SGMS1: variants seen among roughly 807,000 people sequenced by gnomAD.
The protein encoded by SGMS1 is phosphatidylcholine:ceramide cholinephosphotransferase 1.
Under a neutral mutation model 46.2 loss-of-function variants are expected in SGMS1, and 13 were observed. The ratio of observed to expected loss-of-function variants is 0.28; its 90% CI spans 0.18 to 0.45. The LOEUF (loss-of-function observed/expected upper bound fraction) is 0.45, where lower values mean the gene tolerates loss of function less well. SGMS1 is among the 20% of genes least tolerant of loss of function. The probability of loss-of-function intolerance (pLI) is 1.00; values close to 1 mark genes in which losing one functional copy is unlikely to be tolerated. For missense variants in SGMS1, 324 were observed against 519.9 expected (o/e 0.62, Z 3.66); for synonymous variants, 203 against 187.8 (o/e 1.08, Z -0.66).
chr10:50,369,402 G>T (rs1270700045), intron 6 of SGMS1, among the ~76,000 whole-genome samples: 1 of 152,186 alleles, frequency 6.6e-6, no homozygotes, highest in Non-Finnish European at 1.5e-5. Flanking sequence ...GTAGGCTGAG[G>T]CAGGAGGATC....
intron 3 of SGMS1, among the ~76,000 whole-genome samples, chr10:50,483,998 G>A (rs1837498887): frequency 1.3e-5 from 2 of 152,026 alleles, no homozygotes; most frequent in South Asian, 2.1e-4. Context: ...AGAAGAAAGA[G>A]CAAACAAACC....
chr10:50,311,120 T>C, intron 9 of SGMS1, 142 bp downstream of exon 9: 1 of 934,534 alleles, frequency 1.1e-6, no homozygotes, highest in Non-Finnish European at 1.6e-6. Context: ...GCCAGTTGCA[T>C]GGCGATGAGA....
chr10:50,314,424 A>G (rs990242121), intron 8 of SGMS1, among the ~76,000 whole-genome samples: 6 of 152,136 alleles, frequency 3.9e-5, no homozygotes, highest in Non-Finnish European at 7.3e-5. Context: ...CAGCTGAACC[A>G]TTCTAAGCCT....
At chr10:50,396,331 C>A (rs1848847596) in intron 6 of SGMS1, among the ~76,000 whole-genome samples, 2 of 152,206 alleles carry the variant, frequency 1.3e-5, no homozygotes, top group South Asian at 2.1e-4. Context: ...TTGAGCAAAG[C>A]AAGGCAAAAG....
intron 6 of SGMS1, among the ~76,000 whole-genome samples, chr10:50,383,538 G>A (rs1448710296): frequency 6.6e-6 from 1 of 152,072 alleles, no homozygotes; most frequent in African/African-American, 2.4e-5. Context: ...AGCAGAAAAA[G>A]AGATAAACAT....
At chr10:50,318,112 A>T (rs1847377441) in intron 8 of SGMS1, among the ~76,000 whole-genome samples, 1 of 152,092 alleles carries the variant, frequency 6.6e-6, no homozygotes, top group Non-Finnish European at 1.5e-5. Flanking sequence ...GGCCTATAAA[A>T]ATCATTTCTG....
intron 6 of SGMS1, among the ~76,000 whole-genome samples, chr10:50,420,156 C>G (rs555832346): frequency 6.9e-4 from 105 of 152,314 alleles, no homozygotes; most frequent in Non-Finnish European, 1.2e-3. Context: ...GGGCCTGTCT[C>G]CTAGATGATG....
intron 1 of SGMS1, among the ~76,000 whole-genome samples, chr10:50,619,241 G>A (rs1306560008): frequency 6.6e-6 from 1 of 152,138 alleles, no homozygotes; most frequent in Non-Finnish European, 1.5e-5. Flanking sequence ...AGTAAAAGTA[G>A]GAGACACATA....
intron 6 of SGMS1, among the ~76,000 whole-genome samples, chr10:50,401,138 C>T (rs1848934812): frequency 6.6e-6 from 1 of 152,226 alleles, no homozygotes; most frequent in Non-Finnish European, 1.5e-5. Context: ...TTAATTGTCA[C>T]ATTCTAATAA....
chr10:50,474,469 G>A (rs564194856), intron 3 of SGMS1, among the ~76,000 whole-genome samples: 2 of 152,192 alleles, frequency 1.3e-5, no homozygotes, highest in South Asian at 2.1e-4. Flanking sequence ...TGAGACAAAG[G>A]AAGCCTCTCT....
chr10:50,355,729 C>T (rs555832814), intron 6 of SGMS1, among the ~76,000 whole-genome samples: 53 of 152,082 alleles, frequency 3.5e-4, no homozygotes, highest in African/African-American at 1.3e-3. Context: ...TCTGCCTGGC[C>T]GCCCATCGTC....
intron 6 of SGMS1, among the ~76,000 whole-genome samples, chr10:50,369,469 T>C (rs1285726983): frequency 5.3e-5 from 8 of 152,070 alleles, no homozygotes; most frequent in East Asian, 1.9e-4. Context: ...CTGCACTCTA[T>C]TCTGGGTGAC....
At chr10:50,622,989 G>T (rs1014500437) in intron 1 of SGMS1, among the ~76,000 whole-genome samples, 6 of 152,216 alleles carry the variant, frequency 3.9e-5, no homozygotes, top group Non-Finnish European at 8.8e-5. Flanking sequence ...TCCAGTTCTG[G>T]GCTGCGCCGA....
At chr10:50,361,038 C>T (rs972382265) in intron 6 of SGMS1, among the ~76,000 whole-genome samples, 1 of 152,140 alleles carries the variant, frequency 6.6e-6, no homozygotes, top group Non-Finnish European at 1.5e-5. Context: ...TATCTACTCA[C>T]CTATAAAGTA....
At chr10:50,426,600 G>A (rs1849329877) in intron 6 of SGMS1, among the ~76,000 whole-genome samples, 1 of 152,154 alleles carries the variant, frequency 6.6e-6, no homozygotes, top group African/African-American at 2.4e-5. Flanking sequence ...AAAGCCCCTG[G>A]TCCAAGATGT....
chr10:50,592,877 A>G (rs956644871), intron 1 of SGMS1, among the ~76,000 whole-genome samples: 9 of 125,016 alleles, frequency 7.2e-5, no homozygotes, highest in Non-Finnish European at 1.4e-4. Context: ...AATATACTAT[A>G]TTTAAAAGTG....
At chr10:50,496,405 A>G (rs1277331367) in intron 3 of SGMS1, among the ~76,000 whole-genome samples, 1 of 152,158 alleles carries the variant, frequency 6.6e-6, no homozygotes, top group Non-Finnish European at 1.5e-5. Flanking sequence ...GTGAACATCA[A>G]CATACAGCTT....
chr10:50,547,042 C>T (rs949394373), intron 2 of SGMS1, among the ~76,000 whole-genome samples: 2 of 152,268 alleles, frequency 1.3e-5, no homozygotes, highest in South Asian at 2.1e-4. Context: ...CTAACAGAGA[C>T]TCCTGGTTTA....
chr10:50,500,897 T>A (rs1281598366), intron 3 of SGMS1, among the ~76,000 whole-genome samples: 1 of 152,226 alleles, frequency 6.6e-6, no homozygotes, highest in Non-Finnish European at 1.5e-5. Context: ...TTAAAATTAC[T>A]CTTTAATTTC....
Sources: gnomAD v4.1 joint callset for allele counts (sites outside exome capture counted in the v4.1 genomes callset) on GRCh38, gnomAD v4.1.1 for gene constraint, MANE v1.5 for transcripts, NCBI Gene and HGNC (gene_info 2026-07-23, HGNC 2026-07-21) for gene names.